The following KMT2D variants were observed in gnomAD, a reference collection of about 807,000 sequenced individuals.
The protein encoded by KMT2D is lysine methyltransferase 2D, also known as histone-lysine N-methyltransferase 2D.
KMT2D carries 55 observed loss-of-function variants against 512.7 expected under a neutral mutation model. That is an observed-to-expected ratio of 0.11 (90% CI 0.09 to 0.13). KMT2D has a LOEUF of 0.13. Among genes scored for constraint, KMT2D ranks in the 10% least tolerant of loss-of-function variants. KMT2D has a pLI of 1.00. For missense variants in KMT2D, 6,061 were observed against 7,127.9 expected, an observed-to-expected ratio of 0.85 and a Z score of 5.39; for synonymous variants, 2,995 against 2,904.0, an observed-to-expected ratio of 1.03 and a Z score of -1.01.
intron 6 of KMT2D, 117 bp downstream of exon 6, chr12:49,053,861 G>T: frequency 8.1e-7 from 1 of 1,227,052 alleles, no homozygotes; most frequent in Non-Finnish European, 1.1e-6. Context: ...ACCTATTTTA[G>T]TGGGGCAGAC....
At position 49,037,361 on chromosome 12, in the gene KMT2D, G is replaced by C. The variant is rs538140386; in HGVS notation, c.9995C>G (p.Thr3332Ser). Residue 3332 changes from threonine (T) to serine (S), a missense_variant, in exon 35 of 55, where the codon ACC becomes AGC. By Grantham distance (58) the Thr-to-Ser change is moderately conservative. Transcript: ENST00000301067. ...QPGLPQPLMPTQPPAHALQQR... is the reference protein window; with the variant it reads ...QPGLPQPLMPSQPPAHALQQR... Reference sequence around the variant, plus strand: ...CTGGAGGGCATGAGCTGGTGGCTGGGTGGGCATCAGTGGCTGGGGCAAACC... The same window carrying C: ...CTGGAGGGCATGAGCTGGTGGCTGGCTGGGCATCAGTGGCTGGGGCAAACC... 8.1e-6 allele frequency: 13 copies of C among 1,610,930 alleles called. No individual in the cohort carries two copies. The African/African-American group carries it at 1.6e-4, about 20-fold the overall frequency.
At chr12:49,025,474 T>C (rs1041638838) in intron 49 of KMT2D, among the ~76,000 whole-genome samples, 2 of 152,236 alleles carry the variant, frequency 1.3e-5, no homozygotes, top group African/African-American at 4.8e-5. Flanking sequence ...TACAGATTTG[T>C]AGCCTAGGAG....
In KMT2D at chr12:49,033,488, C is replaced by T. The variant is rs763571480; in HGVS notation, c.11217G>A (p.Gln3739=). 2 of 1,612,414 alleles carry T rather than the reference C, an allele frequency of 1.2e-6. No individual in the cohort carries two copies. Among genetic ancestry groups the T allele is most frequent in the Admixed American group, 3.3e-5 (2 of 59,748 alleles). ...GAAGGTGCTGCTGCTGCTGTTGCTG[C>T]TGCTGCTGCTGCTGCAGTTTCTGGG... The part of the protein sequence containing the change: ...QLAQKLQQQQ[Q]QQQQQQHLLG... The change falls in exon 40 of 55, where the codon CAG becomes CAA. Residue 3739 remains glutamine, a synonymous_variant. Transcript: ENST00000301067.
rs201218526 is a variant in KMT2D at position 49,040,273 on chromosome 12, G to A, written c.7497C>T (p.Pro2499=). ...CATGGAGCTCACCTGCTGGCCCCGCGGGCAGGGCTGCTGGGAACCCCCCAG... is the reference window on the plus strand; with the variant it reads ...CATGGAGCTCACCTGCTGGCCCCGCAGGCAGGGCTGCTGGGAACCCCCCAG... ...LGAGGFPAAL[P]AGPAGELHAK... The change falls in exon 32 of 55, where the codon CCC becomes CCT. Residue 2499 remains proline, a synonymous_variant. Transcript: ENST00000301067. 166 of 1,609,036 alleles carry A rather than the reference G, an allele frequency of 1.0e-4. No homozygotes were observed. The African/African-American group carries it at 1.9e-3, about 18-fold the overall frequency.
rs369602516 is a variant in KMT2D, at chr12:49,049,982, G to A, written c.3606C>T (p.Ser1202=). 145 of 1,613,942 alleles carry A rather than the reference G, an allele frequency of 9.0e-5. 1 individual carries two copies. Among genetic ancestry groups the A allele is most frequent in the South Asian group, 7.0e-4 (64 of 91,088 alleles). Residue 1202 remains serine, a synonymous_variant, in exon 12 of 55, where the codon TCC becomes TCT. Transcript: ENST00000301067. ...GATTAGAGATCTCGTTAACGATGTCGGATTTGATGAGAGTGGGTGGTGTGG... is the reference window on the plus strand; with the variant it reads ...GATTAGAGATCTCGTTAACGATGTCAGATTTGATGAGAGTGGGTGGTGTGG... ...VAPTPPTLIK[S]DIVNEISNLS...
Position 49,032,096 on chromosome 12 carries a change from T to G in KMT2D, c.12609A>C (p.Gly4203=), listed in dbSNP as rs558222155. 10 of 1,613,784 alleles carry G rather than the reference T, an allele frequency of 6.2e-6. No homozygotes were observed. The Admixed American group carries it at 1.7e-4, about 27-fold the overall frequency. Residue 4203 remains glycine, a synonymous_variant, in exon 40 of 55, where the codon GGA becomes GGC. Coordinates refer to ENST00000301067, the MANE Select transcript of KMT2D (RefSeq NM_003482.4). ...TVGQLRAQLQ[G]VLAKNPQLRH... ...GCAGCTGTGGGTTTTTGGCCAGGAC[T>G]CCTTGGAGCTGTGCTCGAAGCTGAC...
In KMT2D at chr12:49,024,087, T is replaced by G. The variant is rs1286403869; in HGVS notation, c.16052+491A>C. On this transcript the variant is annotated intron_variant, in intron 51 of 54. Transcript: ENST00000301067. This position sits in a 1 kb window ranked among gnomAD's most constrained non-coding sequence, Gnocchi z 4.5. ...TTGTTGTGAGGATCAAATGAGATAA[T>G]GGATGTGAAAACGCTTTGAAAAAAA... 1 of 456,180 alleles carries G rather than the reference T, an allele frequency of 2.2e-6. No homozygotes were observed. The highest frequency in any genetic ancestry group is 2.4e-5 in the Admixed American group (1 of 42,528). 28.3% of individuals were successfully genotyped at this position (456,180 alleles called of 1,614,324 possible). A position where few individuals can be genotyped will look rare whatever the true frequency, so the allele number is the denominator to read the frequency against.
In KMT2D at chr12:49,038,064, C is replaced by T. The variant is rs2120489925; in HGVS notation, c.9292G>A (p.Glu3098Lys). 1 of 1,613,172 alleles carries T rather than the reference C, an allele frequency of 6.2e-7. No individual in the cohort carries two copies. Among genetic ancestry groups the T allele is most frequent in the African/African-American group, 1.3e-5 (1 of 75,032 alleles). Reference sequence around the variant, plus strand: ...GCATCAGCAGCAGGGGGAGGGCGCTCCTCAGGGCCCAAGGGTCCTGGCTCC... The same window carrying T: ...GCATCAGCAGCAGGGGGAGGGCGCTTCTCAGGGCCCAAGGGTCCTGGCTCC... ...GVEPGPLGPE[E>K]RPPPAADASE... Residue 3098 changes from glutamate (E) to lysine (K), a missense_variant, in exon 35 of 55, where the codon GAG becomes AAG. Physicochemically the swap from Glu to Lys is moderately conservative, Grantham distance 56 (BLOSUM62 1). This residue lies in a region of KMT2D where 533 missense variants were observed against 539.6 expected (regional missense o/e 0.99). Coordinates refer to ENST00000301067, the MANE Select transcript of KMT2D (RefSeq NM_003482.4). The surrounding 1 kb of genome is among the most constrained non-coding windows in gnomAD (Gnocchi z 5.7).
chr12:49,022,446 GC>G lies in KMT2D; in HGVS notation c.16339-94del. 2.7e-6 allele frequency: 4 copies of G among 1,486,268 alleles called. No homozygotes were observed. The highest frequency in any genetic ancestry group is 3.7e-6 in the Non-Finnish European group (4 of 1,077,654). 92.1% of individuals were successfully genotyped at this position (1,486,268 alleles called of 1,614,324 possible). Reference sequence around the variant, plus strand: ...CAGGTAGGAGACTCAGGCAGTGGGGGCTTTTGTTGCATGTACTTCATTTCTC... The same window carrying G: ...CAGGTAGGAGACTCAGGCAGTGGGGGTTTTGTTGCATGTACTTCATTTCTC... On this transcript the variant is annotated intron_variant, in intron 52 of 54. Transcript: ENST00000301067. This position sits in a 1 kb window ranked among gnomAD's most constrained non-coding sequence, Gnocchi z 8.6.
rs371426893 is a variant in KMT2D at position 49,038,875 on chromosome 12, G to C, written c.8481C>G (p.Thr2827=). ...LWQQQQATAA[T]SMRFAMSARF... is the part of the protein sequence containing the mutation. ...GAGCTGACATGGCAAATCGCATGGA[G>C]GTTGCTGCTGTTGCCTGTTGTTGCT... The change falls in exon 35 of 55, where the codon ACC becomes ACG. Residue 2827 remains threonine (T), a synonymous_variant. Coordinates refer to ENST00000301067, the MANE Select transcript of KMT2D (RefSeq NM_003482.4). The surrounding 1 kb of genome is among the most constrained non-coding windows in gnomAD (Gnocchi z 5.7). 5 of 1,551,958 alleles carry C rather than the reference G, an allele frequency of 3.2e-6. No homozygotes were observed. The highest frequency in any genetic ancestry group is 4.4e-6 in the Non-Finnish European group (5 of 1,147,154).
Position 49,032,840 on chromosome 12 carries a change from T to C in KMT2D, c.11865A>G (p.Leu3955=). 5 of 1,550,494 alleles carry C rather than the reference T, an allele frequency of 3.2e-6. No homozygotes were observed. Among genetic ancestry groups the C allele is most frequent in the East Asian group, 2.4e-5 (1 of 40,918 alleles). ...QQQLQQQQQQ[L]QQQQQQQQQQ... ...GCTGTTGTTGTTGCTGTTGCTGTTG[T>C]AGCTGCTGTTGCTGCTGTTGAAGCT... Residue 3955 remains leucine (L), a synonymous_variant, in exon 40 of 55, where the codon CTA becomes CTG. Transcript: ENST00000301067.
rs1192942787 is a variant in KMT2D at position 49,053,584 on chromosome 12, C to G, written c.731G>C (p.Cys244Ser). Reference protein sequence around the residue: ...GPGELCDLFFCTSCGHHYHGA... With the variant: ...GPGELCDLFFSTSCGHHYHGA... Reference sequence around the variant, plus strand: ...GTGATAGTGATGCCCACAGCTGGTACAGAAGAACAGGTCACACAACTCCCC... The same window carrying G: ...GTGATAGTGATGCCCACAGCTGGTAGAGAAGAACAGGTCACACAACTCCCC... The change falls in exon 7 of 55, where the codon TGT becomes TCT. Residue 244 changes from cysteine (C) to serine (S), a missense_variant. Cys to Ser is a moderately radical substitution (Grantham distance 112). This residue lies in a region of KMT2D where 160 missense variants were observed against 225.8 expected (regional missense o/e 0.71). Transcript: ENST00000301067. 2 of 1,598,694 alleles carry G rather than the reference C, an allele frequency of 1.3e-6. No homozygotes were observed. Among genetic ancestry groups the G allele is most frequent in the Admixed American group, 3.5e-5 (2 of 57,674 alleles).
Position 49,049,196 on chromosome 12 carries a change from C to A in KMT2D, c.3929G>T (p.Gly1310Val), listed in dbSNP as rs2120632051. ...GGCTCCTCCACGAGGCCGGCGTCTT[C>A]CTGGGAAACTGCTGCTGCGACCCTG... ...IKQGRSSSFP[G>V]RRRPRGGAHG... The change falls in exon 13 of 55, where the codon GGA (glycine) becomes GTA (valine). Residue 1310 changes from glycine (G) to valine (V), a missense_variant. Physicochemically the swap from Gly to Val is moderately radical, Grantham distance 109 (BLOSUM62 -3). Coordinates refer to ENST00000301067, the MANE Select transcript of KMT2D (RefSeq NM_003482.4). 1 of 1,606,126 alleles carries A rather than the reference C, an allele frequency of 6.2e-7. No individual in the cohort carries two copies. The highest frequency in any genetic ancestry group is 1.1e-5 in the South Asian group (1 of 89,424).
rs1943691237 is a variant in KMT2D at position 49,044,405 on chromosome 12, G to A, written c.5081C>T (p.Pro1694Leu). The A allele has an allele frequency of 6.2e-7, 1 of 1,613,764 alleles. No individual in the cohort carries two copies. The highest frequency in any genetic ancestry group is 8.5e-7 in the Non-Finnish European group (1 of 1,179,832). ...SKKRKRKPYR[P>L]GIGGFMVRQR... Reference sequence around the variant, plus strand: ...ACAACCCCATCCCAGGACCTCACCAGGCCGATATGGTTTACGCTTGCGTTT... The same window carrying A: ...ACAACCCCATCCCAGGACCTCACCAAGCCGATATGGTTTACGCTTGCGTTT... Residue 1694 changes from proline to leucine, a missense_variant and splice_region_variant, in exon 21 of 55, where the codon CCT (proline) becomes CTT (leucine). By Grantham distance (98) the Pro-to-Leu change is moderately conservative. Coordinates refer to ENST00000301067, the MANE Select transcript of KMT2D (RefSeq NM_003482.4). This position sits in a 1 kb window ranked among gnomAD's most constrained non-coding sequence, Gnocchi z 6.4.
In KMT2D at chr12:49,034,319, G is replaced by A. The variant is rs2120455691; in HGVS notation, c.10508-20C>T. The A allele has an allele frequency of 7.4e-6, 12 of 1,610,770 alleles. No homozygotes were observed. The highest frequency in any genetic ancestry group is 8.5e-6 in the Non-Finnish European group (10 of 1,177,230). ...CTTCATCTGGGAAAAGAAGCTGGGT[G>A]TCAGGACCTGCAAAAGGGTAATCCC... On this transcript the variant is annotated intron_variant, in intron 38 of 54. Transcript: ENST00000301067.
chr12:49,041,265 C>A lies in KMT2D; in HGVS notation c.6505G>T (p.Ala2169Ser), dbSNP rs369501280. 6.6e-7 allele frequency: 1 copy of A among 1,517,276 alleles called. No individual in the cohort carries two copies. Among genetic ancestry groups the A allele is most frequent in the Non-Finnish European group, 8.8e-7 (1 of 1,136,882 alleles). The allele number at this position is 1,517,276 out of a possible 1,614,324, so 94.0% of individuals were successfully genotyped here. A position where few individuals can be genotyped will look rare whatever the true frequency, so the allele number is the denominator to read the frequency against. The change falls in exon 32 of 55, where the codon GCC becomes TCC. Residue 2169 changes from alanine to serine, a missense_variant. Physicochemically the swap from Ala to Ser is moderately conservative, Grantham distance 99. Coordinates refer to ENST00000301067, the MANE Select transcript of KMT2D (RefSeq NM_003482.4). The surrounding 1 kb of genome is among the most constrained non-coding windows in gnomAD (Gnocchi z 5.4). Reference sequence around the variant, plus strand: ...AAGGGGTCCTGCGAAGGCACTTGGGCGGGCACCTGGGGTGGGAGCTTGAGG... The same window carrying A: ...AAGGGGTCCTGCGAAGGCACTTGGGAGGGCACCTGGGGTGGGAGCTTGAGG... ...LFLKLPPQVP[A>S]QVPSQDPFGL... is the part of the protein sequence containing the mutation.
rs80164361 is a variant in KMT2D at position 49,029,608 on chromosome 12, T to C, written c.14000-132A>G. On this transcript the variant is annotated intron_variant, in intron 43 of 54. Transcript: ENST00000301067. Reference sequence around the variant, plus strand: ...ATTAGCTGTCCTCCCACCTACCAGTTTGGGGCAAACAAGGTATATTTATTG... The same window carrying C: ...ATTAGCTGTCCTCCCACCTACCAGTCTGGGGCAAACAAGGTATATTTATTG... 431 of 657,124 alleles carry C rather than the reference T, an allele frequency of 6.6e-4. 4 individuals are homozygous for C. The African/African-American group carries it at 7.3e-3, about 11-fold the overall frequency. 40.7% of individuals were successfully genotyped at this position (657,124 alleles called of 1,614,324 possible). A position where few individuals can be genotyped will look rare whatever the true frequency, so the allele number is the denominator to read the frequency against.
intron 7 of KMT2D, 52 bp downstream of exon 7, chr12:49,053,424 A>G (rs1241609517): frequency 2.5e-6 from 4 of 1,609,866 alleles, no homozygotes; most frequent in Middle Eastern, 3.3e-4. Flanking sequence ...CCTCATTTTC[A>G]ACCCTAACCT....
rs2120641651 is a variant in KMT2D, at chr12:49,049,852, T to C, written c.3736A>G (p.Thr1246Ala). Residue 1246 changes from threonine (T) to alanine (A), a missense_variant, in exon 12 of 55, where the codon ACG becomes GCG. Around this residue, in one of 16 missense-constraint regions of KMT2D, gnomAD observed 447 missense variants for 500.1 expected, o/e 0.89. Transcript: ENST00000301067. ...GSLSMELGVSTDVSPARDEGS... is the reference protein window; with the variant it reads ...GSLSMELGVSADVSPARDEGS... ...TCATCTCGGGCTGGACTAACATCCGTAGAGACCCCCAACTCCATGGACAGG... is the reference window on the plus strand; with the variant it reads ...TCATCTCGGGCTGGACTAACATCCGCAGAGACCCCCAACTCCATGGACAGG... The C allele has an allele frequency of 6.2e-7, 1 of 1,613,894 alleles. No homozygotes were observed. Among genetic ancestry groups the C allele is most frequent in the South Asian group, 1.1e-5 (1 of 91,078 alleles).
Sources: allele counts gnomAD v4.1 joint callset (sites outside exome capture counted in the v4.1 genomes callset), GRCh38; gene constraint gnomAD v4.1.1; regional missense constraint gnomAD v4.1.1; non-coding constraint Gnocchi (gnomAD v3.1); transcripts MANE v1.5; gene names NCBI Gene and HGNC (gene_info 2026-07-23, HGNC 2026-07-21).